CENPN: variants seen among roughly 807,000 people sequenced by gnomAD.
The protein encoded by CENPN is interphase centromere complex protein 32.
A neutral mutation model predicts 48.6 loss-of-function variants in CENPN; 36 were observed. That is an observed-to-expected ratio of 0.74 (90% confidence interval 0.57 to 0.98). CENPN has a LOEUF of 0.98. Ranked by LOEUF, CENPN falls within the 50% of genes least tolerant of loss-of-function variation. The probability of loss-of-function intolerance (pLI) is 0.00; values close to 1 mark genes in which losing one functional copy is unlikely to be tolerated. For missense variants in CENPN, 439 were observed against 399.2 expected (o/e 1.10, Z -0.85); for synonymous variants, 166 against 135.2 (o/e 1.23, Z -1.58).
intron 2 of CENPN, among the ~76,000 whole-genome samples, chr16:81,012,597 A>G (rs535169503): frequency 2.0e-4 from 30 of 152,140 alleles, no homozygotes; most frequent in African/African-American, 7.2e-4. Context: ...TTATTTATTT[A>G]TTTTTTATTT....
At chr16:81,028,094 CATT>C (rs1316135239) in intron 9 of CENPN, 74 bp from the exon 10 acceptor site, 2 of 1,137,440 alleles carry the variant, frequency 1.8e-6, no homozygotes, top group Admixed American at 2.0e-5. Context: ...TGAAACGTAT[CATT>C]ATGATTTCAT....
intron 7 of CENPN, chr16:81,022,965 A>G (rs1426687027): frequency 1.4e-5 from 18 of 1,278,692 alleles, no homozygotes; most frequent in Admixed American, 2.7e-5. Flanking sequence ...TGATCACACT[A>G]GAATTTGTTT....
In CENPN at chr16:81,026,510, A is replaced by T. The variant is rs764171150; in HGVS notation, c.698-16A>T. ...TATTCCTAACGGCTGTTTTATTTGA[A>T]ATCTTCCACCCATAGTGGATTCAAG... On this transcript the variant is annotated splice_polypyrimidine_tract_variant and intron_variant, in intron 8 of 10. Coordinates refer to ENST00000305850, the MANE Select transcript of CENPN (RefSeq NM_001100624.3). 7.7e-7 allele frequency: 1 copy of T among 1,301,060 alleles called. No individual in the cohort carries two copies. The highest frequency in any genetic ancestry group is 1.1e-6 in the Non-Finnish European group (1 of 909,726). The allele number at this position is 1,301,060 out of a possible 1,614,324, so 80.6% of individuals were successfully genotyped here. A position where few individuals can be genotyped will look rare whatever the true frequency, so the allele number is the denominator to read the frequency against.
At chr16:81,024,511 C>G in intron 7 of CENPN, 2 of 439,616 alleles carry the variant, frequency 4.5e-6, no homozygotes, top group Non-Finnish European at 8.2e-6. Flanking sequence ...CACAGAGCTC[C>G]TCAAACAGAA....
At position 81,022,715 on chromosome 16, in the gene CENPN, C is replaced by G; in HGVS notation, c.633+17C>G. 1 of 1,614,056 alleles carries G rather than the reference C, an allele frequency of 6.2e-7. No individual in the cohort carries two copies. Among genetic ancestry groups the G allele is most frequent in the Non-Finnish European group, 8.5e-7 (1 of 1,179,956 alleles). On this transcript the variant is annotated intron_variant, in intron 7 of 10. Coordinates refer to ENST00000305850, the MANE Select transcript of CENPN (RefSeq NM_001100624.3). ...TATAATCAGGTGAGCCAATCAGTGA[C>G]TCTCTTTAAAGGTAAATCTTTATTT... is the stretch of plus-strand genomic sequence containing the variant.
Position 81,028,820 on chromosome 16 carries a change from GAT to G in CENPN, c.*172_*173del. On this transcript the variant is annotated 3_prime_UTR_variant, in exon 11 of 11. Transcript: ENST00000305850. ...TGTTGGGACTGATTCATTCCTCCAC[GAT>G]ATGCCTCCTCTCTCTGATATCCTGC... 1 of 1,392,730 alleles carries G rather than the reference GAT, an allele frequency of 7.2e-7. No individual in the cohort carries two copies. The highest frequency in any genetic ancestry group is 9.3e-7 in the Non-Finnish European group (1 of 1,078,804). 86.3% of individuals were successfully genotyped at this position (1,392,730 alleles called of 1,614,324 possible).
rs370817821 is a variant in CENPN, at chr16:81,020,268, C to G, written c.523C>G (p.Leu175Val). ...CATGCTGAGGCGCAATACACCGCTTCTGGGTCAGGTATGGAAAAAATTATT... is the reference window on the plus strand; with the variant it reads ...CATGCTGAGGCGCAATACACCGCTTGTGGGTCAGGTATGGAAAAAATTATT... ...SSMLRRNTPL[L>V]GQALTIASKH... The change falls in exon 6 of 11, where the codon CTG (leucine) becomes GTG (valine). Residue 175 changes from leucine to valine, a missense_variant. Leu to Val is a conservative substitution (Grantham distance 32). Coordinates refer to ENST00000305850, the MANE Select transcript of CENPN (RefSeq NM_001100624.3). 1.2e-6 allele frequency: 2 copies of G among 1,609,882 alleles called. No individual in the cohort carries two copies. The highest frequency in any genetic ancestry group is 4.5e-5 in the East Asian group (2 of 44,864).
At chr16:81,014,276 C>A in intron 3 of CENPN, 95 bp downstream of exon 3, 1 of 1,069,556 alleles carries the variant, frequency 9.3e-7, no homozygotes, top group Non-Finnish European at 1.4e-6. Context: ...CCTCTGTCGC[C>A]CAGGCTGGAG....
intron 4 of CENPN, 100 bp downstream of exon 4, chr16:81,017,485 G>A: frequency 2.4e-6 from 2 of 818,424 alleles, no homozygotes; most frequent in Non-Finnish European, 2.1e-6. Context: ...ACTCCAGCCT[G>A]GGTAACAGAG....
chr16:81,017,280 A>G, intron 3 of CENPN, 46 bp from the exon 4 acceptor site: 1 of 1,294,810 alleles, frequency 7.7e-7, no homozygotes, highest in Non-Finnish European at 1.1e-6. Context: ...ATATTACTTC[A>G]AAGTTCTATG....
chr16:81,020,228 C>A lies in CENPN; in HGVS notation c.483C>A (p.Ala161=), dbSNP rs201980821. ...TGTACTACTCCCAGACTCCGTACGC[C>A]TTCACGTCCTCCTCCATGCTGAGGC... is the stretch of plus-strand genomic sequence containing the variant. ...YVVYYSQTPY[A]FTSSSMLRRN... The change falls in exon 6 of 11, where the codon GCC becomes GCA. Residue 161 remains alanine (A), a synonymous_variant. Transcript: ENST00000305850. The A allele has an allele frequency of 4.3e-6, 7 of 1,614,132 alleles. No individual in the cohort carries two copies. In the South Asian group the frequency reaches 5.5e-5, roughly 13 times the overall value.
intron 3 of CENPN, 22 bp from the exon 4 acceptor site, chr16:81,017,304 A>G (rs1440320866): frequency 6.5e-7 from 1 of 1,547,406 alleles, no homozygotes; most frequent in East Asian, 2.2e-5. Flanking sequence ...TGCTAGTAAT[A>G]AAGCTTTCTT....
intron 1 of CENPN, among the ~76,000 whole-genome samples, chr16:81,009,536 A>G (rs1969653074): frequency 6.6e-6 from 1 of 151,416 alleles, no homozygotes. Flanking sequence ...AACAAATCCG[A>G]CTCCTGTTTC....
Position 81,030,308 on chromosome 16 carries a change from A to G in CENPN, c.*1657A>G. The G allele has an allele frequency of 2.0e-6, 2 of 985,450 alleles. No individual in the cohort carries two copies. Among genetic ancestry groups the G allele is most frequent in the Non-Finnish European group, 2.4e-6 (2 of 829,932 alleles). 61.0% of individuals were successfully genotyped at this position (985,450 alleles called of 1,614,324 possible). On this transcript the variant is annotated 3_prime_UTR_variant, in exon 11 of 11. Transcript: ENST00000305850. ...AGAGGATTTGGAGTTACAGAAACAC[A>G]TTAGACTGGGCATGGTGGCTCACAC...
At chr16:81,032,554 G>GT (rs35840091), downstream of CENPN, 136,948 of 1,049,988 alleles carry the variant, frequency 0.13, 1,040 homozygotes, top group African/African-American at 0.25. Context: ...GATTTTCAGT[G>GT]TTTTTTTTTT....
intron 1 of CENPN, among the ~76,000 whole-genome samples, chr16:81,010,833 A>AAACCCCGTG (rs1462741410): frequency 6.6e-6 from 1 of 152,158 alleles, no homozygotes; most frequent in Non-Finnish European, 1.5e-5. Flanking sequence ...ATCCATCTGG[A>AAACCCCGTG]AACCCCGTGA....
intron 6 of CENPN, 39 bp from the exon 7 acceptor site, chr16:81,022,558 A>G (rs201132933): frequency 6.7e-7 from 1 of 1,500,154 alleles, no homozygotes; most frequent in East Asian, 2.3e-5. Context: ...ACACAGAGGC[A>G]GTAATCCTAG....
chr16:81,021,417 C>G (rs1189965329), intron 6 of CENPN, among the ~76,000 whole-genome samples: 1 of 152,166 alleles, frequency 6.6e-6, no homozygotes, highest in Non-Finnish European at 1.5e-5. Context: ...GGTTCCAGAG[C>G]TGCCACATCA....
rs142033074 is a variant in CENPN at position 81,019,927 on chromosome 16, T to C, written c.355-173T>C. On this transcript the variant is annotated intron_variant, in intron 5 of 10. Transcript: ENST00000305850. Reference sequence around the variant, plus strand: ...ATTTTTTTTTTTTAAAATCACAAAATGTTTTCCCAAAGATTCTCAAAATAC... The same window carrying C: ...ATTTTTTTTTTTTAAAATCACAAAACGTTTTCCCAAAGATTCTCAAAATAC... Among the ~76,000 whole-genome samples, 225 of 149,348 alleles carry C rather than the reference T, an allele frequency of 1.5e-3. 1 individual carries two copies. Among genetic ancestry groups the C allele is most frequent in the African/African-American group, 5.4e-3 (218 of 40,706 alleles).
Sources: allele counts gnomAD v4.1 joint callset (sites outside exome capture counted in the v4.1 genomes callset), GRCh38; gene constraint gnomAD v4.1.1; transcripts MANE v1.5; gene names NCBI Gene and HGNC (gene_info 2026-07-23, HGNC 2026-07-21).